The following TMEFF1 variants were observed in gnomAD, a reference collection of about 807,000 sequenced individuals.
TMEFF1 encodes transmembrane protein with EGF like and two follistatin like domains 1, also known as tomoregulin-1.
In TMEFF1, 20 loss-of-function variants were observed where a neutral mutation model predicts 47.5. That is an observed-to-expected ratio of 0.42 (90% CI 0.30 to 0.61). TMEFF1 has a LOEUF of 0.61. Among genes scored for constraint, TMEFF1 ranks in the 20% least tolerant of loss-of-function variants. The pLI is 0.19. For missense variants in TMEFF1, 411 were observed against 471.1 expected, an observed-to-expected ratio of 0.87 and a Z score of 1.18; for synonymous variants, 162 against 166.3, an observed-to-expected ratio of 0.97 and a Z score of 0.20.
chr9:100,503,657 A>G (rs557990726), intron 2 of TMEFF1, among the ~76,000 whole-genome samples: 6 of 152,258 alleles, frequency 3.9e-5, no homozygotes, highest in Non-Finnish European at 5.9e-5. Context: ...CGTCATCTGT[A>G]TACTAGCCCA....
At chr9:100,479,236 A>G (rs1179101457) in intron 1 of TMEFF1, among the ~76,000 whole-genome samples, 1 of 152,192 alleles carries the variant, frequency 6.6e-6, no homozygotes, top group Non-Finnish European at 1.5e-5. Context: ...GTTAAGGGAA[A>G]TATATGAGAA....
rs7859754 is a variant in TMEFF1 at position 100,576,023 on chromosome 9, C to A, written c.1059-493C>A. 1.0e-3 allele frequency among the ~76,000 whole-genome samples: 156 copies of A among 152,218 alleles called. 2 individuals carry two copies. The highest frequency in any genetic ancestry group is 3.4e-3 in the African/African-American group (142 of 41,532). On this transcript the variant is annotated intron_variant, in intron 9 of 9. Transcript: ENST00000374879. ...CATTGTCTAAAATCAGTAGACATTC[C>A]TATGTATTCATAGCTGAGGTTAATA...
intron 1 of TMEFF1, among the ~76,000 whole-genome samples, chr9:100,492,145 A>C (rs957195105): frequency 6.6e-6 from 1 of 152,124 alleles, no homozygotes. Context: ...TGGCCTCCCA[A>C]AGTGCTGGGA....
At position 100,572,518 on chromosome 9, in the gene TMEFF1, A is replaced by T. The variant is rs1564030534; in HGVS notation, c.900A>T (p.Arg300Ser). The T allele has an allele frequency of 6.3e-7, 1 of 1,575,566 alleles. No individual in the cohort carries two copies. The highest frequency in any genetic ancestry group is 8.6e-7 in the Non-Finnish European group (1 of 1,164,242). The change falls in exon 9 of 10, where the codon AGA becomes AGT. Residue 300 changes from arginine to serine, a missense_variant and splice_region_variant. Coordinates refer to ENST00000374879, the MANE Select transcript of TMEFF1 (RefSeq NM_003692.5). ...FIYSTQKASC[R>S]CESGYTGQHC... ...GAATATATATATTTTTCCTTTTCAGATGTGAATCTGGCTACACTGGACAGC... is the reference window on the plus strand; with the variant it reads ...GAATATATATATTTTTCCTTTTCAGTTGTGAATCTGGCTACACTGGACAGC...
intron 9 of TMEFF1, among the ~76,000 whole-genome samples, chr9:100,573,572 A>C (rs1839288200): frequency 6.6e-6 from 1 of 152,174 alleles, no homozygotes; most frequent in Non-Finnish European, 1.5e-5. Flanking sequence ...GCTTCAGTTC[A>C]GAAGTCTCAT....
intron 6 of TMEFF1, among the ~76,000 whole-genome samples, chr9:100,548,620 C>T (rs1386690934): frequency 6.6e-6 from 1 of 152,170 alleles, no homozygotes; most frequent in Non-Finnish European, 1.5e-5. Context: ...GATTGTATAT[C>T]TTTCTTGCTT....
chr9:100,509,590 A>T (rs1564013687), intron 3 of TMEFF1, among the ~76,000 whole-genome samples: 1 of 151,982 alleles, frequency 6.6e-6, no homozygotes. Flanking sequence ...TGGCTAACAC[A>T]GTGAAACCCC....
chr9:100,517,322 G>A (rs2118391435), intron 5 of TMEFF1, among the ~76,000 whole-genome samples: 1 of 152,156 alleles, frequency 6.6e-6, no homozygotes, highest in East Asian at 1.9e-4. Flanking sequence ...TTAGGACCTG[G>A]GAGCATAAAT....
chr9:100,498,783 C>T lies in TMEFF1; in HGVS notation c.215C>T (p.Ser72Phe), dbSNP rs771714940. The T allele has an allele frequency of 4.3e-6, 7 of 1,612,652 alleles. No individual in the cohort carries two copies. In the South Asian group the frequency reaches 6.6e-5, roughly 15 times the overall value. Residue 72 changes from serine (S) to phenylalanine (F), a missense_variant, in exon 2 of 10, where the codon TCT (serine) becomes TTT (phenylalanine). Coordinates refer to ENST00000374879, the MANE Select transcript of TMEFF1 (RefSeq NM_003692.5). ...TTTGCAGAATTAAATGTGAGGGAGT[C>T]TGACGTAAGAGTTTGTGATGAGTCA... The part of the protein sequence containing the change: ...INCSELNVRE[S>F]DVRVCDESSC...
At chr9:100,543,746 C>CAA (rs1187279524) in intron 5 of TMEFF1, among the ~76,000 whole-genome samples, 1 of 147,658 alleles carries the variant, frequency 6.8e-6, no homozygotes, top group Non-Finnish European at 1.5e-5. Flanking sequence ...CACACACACA[C>CAA]AAATCTCATA....
intron 1 of TMEFF1, among the ~76,000 whole-genome samples, chr9:100,489,036 C>T (rs1008479855): frequency 1.3e-5 from 2 of 151,908 alleles, no homozygotes; most frequent in African/African-American, 4.8e-5. Context: ...TTTCTATCAC[C>T]CCAGAAAGTT....
chr9:100,497,876 T>A (rs2118314738), intron 1 of TMEFF1, among the ~76,000 whole-genome samples: 1 of 151,994 alleles, frequency 6.6e-6, no homozygotes, highest in African/African-American at 2.4e-5. Flanking sequence ...GGACTCTCTC[T>A]GCTCCCAGAC....
intron 1 of TMEFF1, among the ~76,000 whole-genome samples, chr9:100,487,153 T>A (rs1047691485): frequency 1.1e-4 from 16 of 152,096 alleles, no homozygotes; most frequent in South Asian, 2.1e-4. Context: ...TTTTAAAAAA[T>A]TTTTAATTTT....
intron 5 of TMEFF1, among the ~76,000 whole-genome samples, chr9:100,537,140 T>C (rs901278583): frequency 3.3e-5 from 5 of 152,326 alleles, no homozygotes; most frequent in Admixed American, 3.3e-4. Context: ...GAGTTGAGTA[T>C]ATTTAAGAAG....
At chr9:100,555,800 ATTCT>A (rs1194542366) in intron 7 of TMEFF1, among the ~76,000 whole-genome samples, 1 of 152,166 alleles carries the variant, frequency 6.6e-6, no homozygotes, top group Non-Finnish European at 1.5e-5. Flanking sequence ...TCAGTAGGAT[ATTCT>A]TTCATTTAAT....
chr9:100,555,847 G>A lies in TMEFF1; in HGVS notation c.776-5550G>A, dbSNP rs73657323. Among the ~76,000 whole-genome samples, 1,062 of 152,172 alleles carry A rather than the reference G, an allele frequency of 7.0e-3. 10 individuals carry two copies. The highest frequency in any genetic ancestry group is 0.025 in the African/African-American group (1,023 of 41,520). On this transcript the variant is annotated intron_variant, in intron 7 of 9. Coordinates refer to ENST00000374879, the MANE Select transcript of TMEFF1 (RefSeq NM_003692.5). ...AATTGAGTGCCCTACTATGTGCCAG[G>A]TGCTTTCACATATTTATGTTATTTA... is the stretch of plus-strand genomic sequence containing the variant.
chr9:100,559,677 G>A (rs144733182), intron 7 of TMEFF1, among the ~76,000 whole-genome samples: 86 of 152,214 alleles, frequency 5.6e-4, no homozygotes, highest in African/African-American at 1.9e-3. Context: ...AATTACATAT[G>A]TGTCTTGTAC....
At chr9:100,486,021 AG>A (rs1413296759) in intron 1 of TMEFF1, among the ~76,000 whole-genome samples, 1 of 149,372 alleles carries the variant, frequency 6.7e-6, no homozygotes, top group Non-Finnish European at 1.5e-5. Context: ...TTTCAACCAC[AG>A]CTCAATTTCT....
At chr9:100,539,209 G>A (rs1047957860) in intron 5 of TMEFF1, among the ~76,000 whole-genome samples, 1 of 152,186 alleles carries the variant, frequency 6.6e-6, no homozygotes, top group Non-Finnish European at 1.5e-5. Context: ...CCTGGCCTGT[G>A]TGTAGGAGAT....
Sources: allele counts gnomAD v4.1 joint callset (sites outside exome capture counted in the v4.1 genomes callset), GRCh38; gene constraint gnomAD v4.1.1; transcripts MANE v1.5; gene names NCBI Gene and HGNC (gene_info 2026-07-23, HGNC 2026-07-21).